Variants in LNPK observed in about 807,000 individuals in gnomAD.
LNPK encodes lunapark, ER junction formation factor, also known as endoplasmic reticulum junction formation protein lunapark.
LNPK carries 29 observed loss-of-function variants against 55.2 expected under a neutral mutation model. The observed-to-expected ratio is 0.53, with a 90% CI of 0.39 to 0.72. The LOEUF is 0.72. LNPK is among the 30% of genes least tolerant of loss of function. LNPK has a pLI of 0.00. For missense variants in LNPK, 467 were observed against 494.8 expected (o/e 0.94, Z 0.53); for synonymous variants, 162 against 168.2 (o/e 0.96, Z 0.29).
chr2:175,988,794 G>A (rs374791553), intron 4 of LNPK, among the ~76,000 whole-genome samples: 5 of 152,190 alleles, frequency 3.3e-5, no homozygotes, highest in Non-Finnish European at 5.9e-5. Flanking sequence ...TTCCTTTTGA[G>A]GTTATTTTTG....
At position 175,947,497 on chromosome 2, in the gene LNPK, G is replaced by A; in HGVS notation, c.689C>T (p.Thr230Ile). ...CTGTTTACCCATTCCAGGCACTGAA[G>A]TAGCAGGGGATCCAAGATGTCTTGG... ...VLPRHLGSPATSVPGMGLHPP... is the reference protein window; with the variant it reads ...VLPRHLGSPAISVPGMGLHPP... The change falls in exon 9 of 13, where the codon ACT (threonine) becomes ATT (isoleucine). Residue 230 changes from threonine (T) to isoleucine (I), a missense_variant. Transcript: ENST00000272748. 4 of 1,613,416 alleles carry A rather than the reference G, an allele frequency of 2.5e-6. No homozygotes were observed. The highest frequency in any genetic ancestry group is 1.1e-5 in the South Asian group (1 of 91,042).
At chr2:176,002,397 C>T (rs542058882), upstream of LNPK, 26 of 352,044 alleles carry the variant, frequency 7.4e-5, 2 homozygotes, top group South Asian at 4.6e-4. Flanking sequence ...GCGGGTCGGC[C>T]GGGAGGTTAG....
Position 175,929,881 on chromosome 2 carries a change from G to A in LNPK, c.*86C>T, listed in dbSNP as rs1445458002. ...GATACACAAGCATACCCTTAGAGGG[G>A]CAAAAAAAGTAAGTGCCACCGAAAA... On this transcript the variant is annotated 3_prime_UTR_variant, in exon 13 of 13. Coordinates refer to ENST00000272748, the MANE Select transcript of LNPK (RefSeq NM_030650.3). 3 of 1,563,046 alleles carry A rather than the reference G, an allele frequency of 1.9e-6. No individual in the cohort carries two copies. In the East Asian group the frequency reaches 6.8e-5, roughly 36 times the overall value.
Position 175,979,823 on chromosome 2 carries a change from T to C in LNPK, c.303A>G (p.Arg101=). 6.3e-7 allele frequency: 1 copy of C among 1,576,948 alleles called. No homozygotes were observed. Among genetic ancestry groups the C allele is most frequent in the East Asian group, 2.3e-5 (1 of 44,232 alleles). ...RTVIIFFFSK[R]TERNNEALDD... ...AATTAAACTTACTATTTCTTTCTGT[T>C]CTCTTGGAAAAGAAGAAAATAATTA... Residue 101 remains arginine, a synonymous_variant, in exon 5 of 13, where the codon AGA becomes AGG. Transcript: ENST00000272748.
chr2:175,967,862 T>C (rs968119570), intron 6 of LNPK: 1 of 591,772 alleles, frequency 1.7e-6, no homozygotes, highest in Non-Finnish European at 2.1e-6. Context: ...AATACAAAAA[T>C]GTAACATTTT....
In LNPK at chr2:175,939,644, T is replaced by C; in HGVS notation, c.720A>G (p.Pro240=). 1.3e-6 allele frequency: 2 copies of C among 1,568,080 alleles called. No individual in the cohort carries two copies. The highest frequency in any genetic ancestry group is 1.7e-5 in the Admixed American group (1 of 58,236). The part of the protein sequence containing the change: ...TSVPGMGLHP[P]GPPLARPILP... The stretch of plus-strand genomic sequence containing the variant: ...GAATAGGTCTTGCTAAAGGTGGACC[T>C]GGAGGATGAAGACCTATTAAATAAA... Residue 240 remains proline, a synonymous_variant, in exon 10 of 13, where the codon CCA becomes CCG. Coordinates refer to ENST00000272748, the MANE Select transcript of LNPK (RefSeq NM_030650.3).
intron 10 of LNPK, among the ~76,000 whole-genome samples, 182 bp downstream of exon 10, chr2:175,939,370 C>T (rs1684703210): frequency 6.6e-6 from 1 of 152,130 alleles, no homozygotes; most frequent in Admixed American, 6.6e-5. Context: ...TTAATCCAGA[C>T]TATGTTGTCA....
At chr2:175,944,759 A>G (rs1054396334) in intron 9 of LNPK, among the ~76,000 whole-genome samples, 2 of 152,174 alleles carry the variant, frequency 1.3e-5, no homozygotes, top group African/African-American at 4.8e-5. Context: ...GCAATACTAC[A>G]TTATACTAAA....
chr2:175,962,520 C>G (rs375392424), intron 8 of LNPK, among the ~76,000 whole-genome samples: 3 of 152,060 alleles, frequency 2.0e-5, no homozygotes, highest in Non-Finnish European at 4.4e-5. Context: ...GCTGAAACTG[C>G]ATCCCTTCCT....
chr2:175,997,720 TG>T (rs1404063054), intron 1 of LNPK, among the ~76,000 whole-genome samples: 2 of 147,998 alleles, frequency 1.4e-5, no homozygotes, highest in Non-Finnish European at 3.0e-5. Context: ...TGTGTGTGTG[TG>T]TGTGTGTGTG....
In LNPK at chr2:175,947,603, G is replaced by A. The variant is rs755026200; in HGVS notation, c.583C>T (p.Pro195Ser). Residue 195 changes from proline (P) to serine (S), a missense_variant, in exon 9 of 13, where the codon CCT becomes TCT. Coordinates refer to ENST00000272748, the MANE Select transcript of LNPK (RefSeq NM_030650.3). ...QGPPPQVPVSPGPPKDSSAPG... is the reference protein window; with the variant it reads ...QGPPPQVPVSSGPPKDSSAPG... ...GCAGAACTGTCCTTTGGTGGTCCAG[G>A]AGATACTGGAACTTGTGGAGGAGGG... 6.2e-7 allele frequency: 1 copy of A among 1,613,912 alleles called. No homozygotes were observed. The highest frequency in any genetic ancestry group is 8.5e-7 in the Non-Finnish European group (1 of 1,179,872).
intron 9 of LNPK, among the ~76,000 whole-genome samples, chr2:175,941,636 C>T (rs899844099): frequency 6.6e-6 from 1 of 151,158 alleles, no homozygotes; most frequent in African/African-American, 2.4e-5. Context: ...ACTAAAAATA[C>T]AAAAATTGGC....
chr2:175,978,614 C>T (rs962598937), intron 5 of LNPK, among the ~76,000 whole-genome samples: 9 of 152,056 alleles, frequency 5.9e-5, no homozygotes, highest in Non-Finnish European at 2.9e-5. Flanking sequence ...GGTGAATTTA[C>T]TGGGGAACTA....
chr2:175,958,621 A>G (rs1685822157), intron 8 of LNPK, among the ~76,000 whole-genome samples: 1 of 152,200 alleles, frequency 6.6e-6, no homozygotes, highest in Admixed American at 6.5e-5. Flanking sequence ...GAGAAACCAG[A>G]GCAGAAAAGC....
intron 5 of LNPK, among the ~76,000 whole-genome samples, chr2:175,979,177 G>T (rs1158292554): frequency 6.6e-6 from 1 of 151,894 alleles, no homozygotes; most frequent in African/African-American, 2.4e-5. Context: ...GAAAAAAATG[G>T]GTTGAGGTAA....
chr2:175,951,628 C>T (rs1362312543), intron 8 of LNPK, among the ~76,000 whole-genome samples: 1 of 113,326 alleles, frequency 8.8e-6, no homozygotes, highest in Non-Finnish European at 1.9e-5. Flanking sequence ...TCTTTATCCA[C>T]TCATTGGTTA....
chr2:175,958,204 G>A (rs1685796612), intron 8 of LNPK, among the ~76,000 whole-genome samples: 2 of 152,228 alleles, frequency 1.3e-5, no homozygotes, highest in East Asian at 3.8e-4. Flanking sequence ...TCTGAAGAGA[G>A]CACTGGTTCT....
intron 12 of LNPK, among the ~76,000 whole-genome samples, chr2:175,930,901 G>A (rs528985851): frequency 6.6e-6 from 1 of 152,136 alleles, no homozygotes; most frequent in Admixed American, 6.5e-5. Context: ...CATAGCAGAA[G>A]TTAAGGGTAC....
In LNPK at chr2:175,946,387, A is replaced by G. The variant is rs914955477; in HGVS notation, c.706+1093T>C. On this transcript the variant is annotated intron_variant, in intron 9 of 12. Transcript: ENST00000272748. ...AATCAATTTAACTTTTCTCAATTTC[A>G]TAAAATATATGGCTGCCTTAAGTAT... Among the ~76,000 whole-genome samples, 14 of 152,290 alleles carry G rather than the reference A, an allele frequency of 9.2e-5. No homozygotes were observed. In the East Asian group the frequency reaches 2.5e-3, roughly 27 times the overall value.
Sources: allele counts gnomAD v4.1 joint callset (sites outside exome capture counted in the v4.1 genomes callset), GRCh38; gene constraint gnomAD v4.1.1; transcripts MANE v1.5; gene names NCBI Gene and HGNC (gene_info 2026-07-23, HGNC 2026-07-21).